GRID2: variants seen among roughly 807,000 people sequenced by gnomAD.
GRID2 encodes the protein glutamate receptor ionotropic, delta-2.
A neutral mutation model predicts 114.8 loss-of-function variants in GRID2; 33 were observed. The ratio of observed to expected loss-of-function variants is 0.29; its 90% CI spans 0.22 to 0.38. GRID2 has a LOEUF of 0.38. Among genes scored for constraint, GRID2 ranks in the 10% least tolerant of loss-of-function variants. GRID2 has a pLI of 1.00. For missense variants in GRID2, 1,184 were observed against 1,257.7 expected, an observed-to-expected ratio of 0.94 and a Z score of 0.89; for synonymous variants, 505 against 449.9, an observed-to-expected ratio of 1.12 and a Z score of -1.55.
intron 14 of GRID2, among the ~76,000 whole-genome samples, chr4:93,633,920 T>A (rs1219750254): frequency 6.6e-6 from 1 of 152,128 alleles, no homozygotes; most frequent in Non-Finnish European, 1.5e-5. Flanking sequence ...CAGCCCCCAT[T>A]GATTGCCCAC....
intron 4 of GRID2, among the ~76,000 whole-genome samples, chr4:93,135,168 A>G (rs1735131146): frequency 1.3e-5 from 2 of 152,180 alleles, no homozygotes; most frequent in Admixed American, 1.3e-4. Flanking sequence ...ATTTAATAAC[A>G]CATTAGTAAA....
chr4:92,357,587 T>A (rs1175393087), intron 1 of GRID2, among the ~76,000 whole-genome samples: 1 of 151,796 alleles, frequency 6.6e-6, no homozygotes, highest in Non-Finnish European at 1.5e-5. Flanking sequence ...ACTTGCCTGT[T>A]ATATAATTTT....
rs142982977 is a variant in GRID2, at chr4:93,518,667, G to A, written c.2193+3256G>A. Among the ~76,000 whole-genome samples the A allele has an allele frequency of 4.0e-3, 613 of 152,190 alleles. 3 individuals carry two copies. The highest frequency in any genetic ancestry group is 0.014 in the African/African-American group (571 of 41,538). ...AAAATAAAGTAGGAGAAGAGGATGG[G>A]AAATACCGAGAAGCAAGGTAATCTG... On this transcript the variant is annotated intron_variant, in intron 13 of 15. Transcript: ENST00000282020.
rs376497808 is a variant in GRID2, at chr4:93,769,242, A to G, written c.2393A>G (p.Asp798Gly). 33 of 1,613,528 alleles carry G rather than the reference A, an allele frequency of 2.0e-5. No individual in the cohort carries two copies. The highest frequency in any genetic ancestry group is 2.6e-5 in the Non-Finnish European group (31 of 1,179,528). ...ILELQQNGDM[D>G]ILKHKWWPKN... ...GAGCTTCAGCAGAATGGTGACATGG[A>G]CATCCTGAAGCACAAATGGTGGCCT... is the stretch of plus-strand genomic sequence containing the variant. The change falls in exon 15 of 16, where the codon GAC (aspartate) becomes GGC (glycine). Residue 798 changes from aspartate (D) to glycine (G), a missense_variant. By Grantham distance (94) the Asp-to-Gly change is moderately conservative (BLOSUM62 -1). Transcript: ENST00000282020.
intron 2 of GRID2, among the ~76,000 whole-genome samples, chr4:92,781,655 A>G (rs1256257297): frequency 6.6e-6 from 1 of 152,020 alleles, no homozygotes; most frequent in Non-Finnish European, 1.5e-5. Flanking sequence ...TATACTATTT[A>G]TTACTGGGAT....
At position 93,449,601 on chromosome 4, in the gene GRID2, T is replaced by C. The variant is rs1284586738; in HGVS notation, c.1546-6061T>C. ...GTATTTTGAGTTCAATAATGCCTTTTACAAAGCACTTTAAACCCTATAGAC... is the reference window on the plus strand; with the variant it reads ...GTATTTTGAGTTCAATAATGCCTTTCACAAAGCACTTTAAACCCTATAGAC... On this transcript the variant is annotated intron_variant, in intron 10 of 15. Transcript: ENST00000282020. Among the ~76,000 whole-genome samples the C allele has an allele frequency of 6.6e-5, 10 of 152,228 alleles. 1 individual carries two copies. In the South Asian group the frequency reaches 1.9e-3, roughly 28 times the overall value.
At chr4:93,241,653 T>C (rs572435401) in intron 8 of GRID2, among the ~76,000 whole-genome samples, 1 of 151,988 alleles carries the variant, frequency 6.6e-6, no homozygotes, top group East Asian at 1.9e-4. Flanking sequence ...AATTAAGGTA[T>C]GCTGGCCTAA....
chr4:92,710,651 C>T (rs1373654513), intron 2 of GRID2, among the ~76,000 whole-genome samples: 1 of 152,146 alleles, frequency 6.6e-6, no homozygotes, highest in East Asian at 1.9e-4. Context: ...TGTTTTATTA[C>T]TCTTTATTTC....
At chr4:93,200,168 CCT>C (rs370689751) in intron 4 of GRID2, among the ~76,000 whole-genome samples, 159 of 152,236 alleles carry the variant, frequency 1.0e-3, no homozygotes, top group African/African-American at 3.5e-3. Flanking sequence ...CTACATACTC[CCT>C]TTTGTTGGAG....
chr4:92,643,656 G>C (rs1447058608), intron 2 of GRID2, among the ~76,000 whole-genome samples: 1 of 151,502 alleles, frequency 6.6e-6, no homozygotes, highest in Non-Finnish European at 1.5e-5. Context: ...CTATATACTG[G>C]GTCTCCTTAT....
intron 1 of GRID2, among the ~76,000 whole-genome samples, chr4:92,338,320 A>G (rs1034758509): frequency 3.9e-5 from 6 of 152,218 alleles, no homozygotes; most frequent in Non-Finnish European, 7.4e-5. Context: ...TTTAAACTTT[A>G]TAGAATATAC....
intron 1 of GRID2, among the ~76,000 whole-genome samples, chr4:92,523,801 G>A (rs889166986): frequency 2.6e-5 from 4 of 151,902 alleles, no homozygotes; most frequent in African/African-American, 9.7e-5. Flanking sequence ...GAGTGGGAGT[G>A]AAAACAGGGC....
intron 10 of GRID2, among the ~76,000 whole-genome samples, chr4:93,453,014 T>C (rs1359060149): frequency 6.7e-6 from 1 of 150,322 alleles, no homozygotes; most frequent in African/African-American, 2.4e-5. Flanking sequence ...ACATTAGATA[T>C]ATCTCCAAAT....
chr4:92,960,789 G>T (rs1752745789), intron 2 of GRID2, among the ~76,000 whole-genome samples: 1 of 151,458 alleles, frequency 6.6e-6, no homozygotes, highest in Non-Finnish European at 1.5e-5. Context: ...TCTTCTATTT[G>T]TTGCCTGTGA....
At chr4:93,760,151 C>T (rs1733085991) in intron 14 of GRID2, among the ~76,000 whole-genome samples, 1 of 152,158 alleles carries the variant, frequency 6.6e-6, no homozygotes, top group Admixed American at 6.6e-5. Flanking sequence ...ATCAATCAGT[C>T]AATCAATATC....
intron 13 of GRID2, among the ~76,000 whole-genome samples, chr4:93,590,541 CT>C (rs1738131944): frequency 6.6e-6 from 1 of 151,580 alleles, no homozygotes; most frequent in African/African-American, 2.4e-5. Context: ...GATGCGGGCT[CT>C]TTTTTGGTTC....
chr4:93,737,721 A>T (rs1731047215), intron 14 of GRID2, among the ~76,000 whole-genome samples: 1 of 152,096 alleles, frequency 6.6e-6, no homozygotes, highest in South Asian at 2.1e-4. Flanking sequence ...TCTCAAGAAA[A>T]TTGAGTTTAT....
chr4:92,831,832 A>C (rs1426904213), intron 2 of GRID2, among the ~76,000 whole-genome samples: 1 of 151,998 alleles, frequency 6.6e-6, no homozygotes, highest in Admixed American at 6.6e-5. Flanking sequence ...TATACTCTAG[A>C]CTGGGAGACA....
At chr4:92,996,004 T>C (rs896200912) in intron 2 of GRID2, among the ~76,000 whole-genome samples, 15 of 151,972 alleles carry the variant, frequency 9.9e-5, no homozygotes, top group Non-Finnish European at 2.2e-4. Flanking sequence ...AAAACATTAA[T>C]CTTGGCCAGG....
Sources: gnomAD v4.1 joint callset for allele counts (sites outside exome capture counted in the v4.1 genomes callset) on GRCh38, gnomAD v4.1.1 for gene constraint, MANE v1.5 for transcripts, NCBI Gene and HGNC (gene_info 2026-07-23, HGNC 2026-07-21) for gene names.